The following EXD3 variants were observed in gnomAD, a reference collection of about 807,000 sequenced individuals.
EXD3 encodes the protein exonuclease 3'-5' domain containing 3.
In EXD3, 92 loss-of-function variants were observed where a neutral mutation model predicts 98.0. That is an observed-to-expected ratio of 0.94 (90% CI 0.79 to 1.12). The LOEUF (loss-of-function observed/expected upper bound fraction) is 1.12. EXD3 is among the 50% of genes most tolerant of loss of function. The probability of loss-of-function intolerance (pLI) is 0.00; values close to 1 mark genes in which losing one functional copy is unlikely to be tolerated. For missense variants in EXD3, 1,222 were observed against 1,191.6 expected, an observed-to-expected ratio of 1.03 and a Z score of -0.38; for synonymous variants, 569 against 526.0, an observed-to-expected ratio of 1.08 and a Z score of -1.12.
rs539424014 is a variant in EXD3, at chr9:137,358,350, G to A, written c.657-1982C>T. ...ACCTGTGTCCTCCTGGTTTCAGCAC[G>A]GAGCCCCAGCCCTGTCCTCAGCTGT... is the stretch of plus-strand genomic sequence containing the variant. On this transcript the variant is annotated intron_variant, in intron 7 of 21. Coordinates refer to ENST00000340951, the MANE Select transcript of EXD3 (RefSeq NM_017820.5). 2.7e-3 allele frequency among the ~76,000 whole-genome samples: 405 copies of A among 152,256 alleles called. 1 individual carries two copies. Among genetic ancestry groups the A allele is most frequent in the Non-Finnish European group, 4.1e-3 (279 of 68,016 alleles).
At chr9:137,350,391 C>T (rs113275255) in intron 14 of EXD3, among the ~76,000 whole-genome samples, 176 of 782 alleles carry the variant, frequency 0.23, 2 homozygotes, top group African/African-American at 0.33. Context: ...GGGTGGGGAT[C>T]ACGGGGAGGG....
intron 1 of EXD3, among the ~76,000 whole-genome samples, chr9:137,396,858 TG>T (rs923735361): frequency 2.0e-5 from 3 of 152,232 alleles, no homozygotes; most frequent in African/African-American, 7.2e-5. Context: ...AACCAGTTTC[TG>T]GGCAACAGGC....
chr9:137,313,437 C>T (rs778343834), intron 19 of EXD3, among the ~76,000 whole-genome samples: 1 of 152,142 alleles, frequency 6.6e-6, no homozygotes, highest in African/African-American at 2.4e-5. Context: ...CCAGGTCCCT[C>T]GGGTGATCTG....
intron 1 of EXD3, among the ~76,000 whole-genome samples, chr9:137,419,660 C>T (rs1413901439): frequency 2.0e-5 from 3 of 151,994 alleles, no homozygotes; most frequent in Non-Finnish European, 4.4e-5. Flanking sequence ...CAGAGCGAGA[C>T]TCCATCTCAA....
rs1486679950 is a variant in EXD3 at position 137,395,961 on chromosome 9, T to G, written c.-47-557A>C. ...TCAGAGTGTTTTTTTTTCTTTTCTT[T>G]CTTTCTTTCTTTTTTTTTTTTTTGG... On this transcript the variant is annotated intron_variant, in intron 1 of 21. Coordinates refer to ENST00000340951, the MANE Select transcript of EXD3 (RefSeq NM_017820.5). The surrounding 1 kb of genome is among the most constrained non-coding windows in gnomAD (Gnocchi z 6.5). Among the ~76,000 whole-genome samples the G allele has an allele frequency of 1.3e-5, 2 of 149,674 alleles. No homozygotes were observed. The highest frequency in any genetic ancestry group is 4.9e-5 in the African/African-American group (2 of 40,544).
At chr9:137,321,731 C>T (rs957544707) in intron 19 of EXD3, among the ~76,000 whole-genome samples, 2 of 152,146 alleles carry the variant, frequency 1.3e-5, no homozygotes, top group Non-Finnish European at 2.9e-5. Flanking sequence ...GGAGCAGCCC[C>T]GACCTGCTGC....
chr9:137,352,578 G>A (rs1280859937), intron 11 of EXD3, 42 bp downstream of exon 11: 1 of 1,497,358 alleles, frequency 6.7e-7, no homozygotes, highest in African/African-American at 1.4e-5. Context: ...GCCACCCTGG[G>A]CGGAACCCAC....
rs548843231 is a variant in EXD3 at position 137,411,925 on chromosome 9, G to C, written c.-48+11189C>G. Reference sequence around the variant, plus strand: ...TTCTGTGGTGTTTCCCTGAGGACCGGTGGGCCCTCCAGGTGGGCCTTGTGC... The same window carrying C: ...TTCTGTGGTGTTTCCCTGAGGACCGCTGGGCCCTCCAGGTGGGCCTTGTGC... On this transcript the variant is annotated intron_variant, in intron 1 of 21. Coordinates refer to ENST00000340951, the MANE Select transcript of EXD3 (RefSeq NM_017820.5). 4.2e-4 allele frequency among the ~76,000 whole-genome samples: 64 copies of C among 152,314 alleles called. 1 individual carries two copies. The highest frequency in any genetic ancestry group is 1.5e-3 in the African/African-American group (62 of 41,586).
Position 137,395,033 on chromosome 9 carries a change from C to T in EXD3, c.55+270G>A, listed in dbSNP as rs1472760683. On this transcript the variant is annotated intron_variant, in intron 2 of 21. Coordinates refer to ENST00000340951, the MANE Select transcript of EXD3 (RefSeq NM_017820.5). This position sits in a 1 kb window ranked among gnomAD's most constrained non-coding sequence, Gnocchi z 6.5. ...AGCTGCACTGTCCCCGCCACCTCCC[C>T]CGGATCCTGTCACAGGCCCGGCGCC... Among the ~76,000 whole-genome samples the T allele has an allele frequency of 2.0e-5, 3 of 152,140 alleles. No homozygotes were observed. The highest frequency in any genetic ancestry group is 1.5e-5 in the Non-Finnish European group (1 of 68,008).
chr9:137,390,892 T>C (rs1161445813), intron 2 of EXD3, among the ~76,000 whole-genome samples: 1 of 152,214 alleles, frequency 6.6e-6, no homozygotes, highest in Non-Finnish European at 1.5e-5. Context: ...CAGTGGACGC[T>C]GAGGGCAGGG....
chr9:137,408,365 G>A (rs898258066), intron 1 of EXD3, among the ~76,000 whole-genome samples: 29 of 151,726 alleles, frequency 1.9e-4, no homozygotes, highest in African/African-American at 6.8e-4. Context: ...TGGTTAACAC[G>A]GTGAAACCCC....
At position 137,385,561 on chromosome 9, in the gene EXD3, G is replaced by A. The variant is rs553835984; in HGVS notation, c.56-2184C>T. 2.6e-5 allele frequency among the ~76,000 whole-genome samples: 4 copies of A among 152,226 alleles called. No individual in the cohort carries two copies. The highest frequency in any genetic ancestry group is 4.2e-4 in the South Asian group (2 of 4,782). On this transcript the variant is annotated intron_variant, in intron 2 of 21. Transcript: ENST00000340951. This position sits in a 1 kb window ranked among gnomAD's most constrained non-coding sequence, Gnocchi z 4.4. ...TTAAGTTAATATTTTATTTAGAGACGGAGTCTCACTGTCACCCAGGCTGGA... is the reference window on the plus strand; with the variant it reads ...TTAAGTTAATATTTTATTTAGAGACAGAGTCTCACTGTCACCCAGGCTGGA...
chr9:137,349,669 G>C lies in EXD3; in HGVS notation c.1495-138C>G. 1 of 953,512 alleles carries C rather than the reference G, an allele frequency of 1.0e-6. No homozygotes were observed. The highest frequency in any genetic ancestry group is 1.5e-6 in the Non-Finnish European group (1 of 677,694). 59.1% of individuals were successfully genotyped at this position (953,512 alleles called of 1,614,324 possible). A position where few individuals can be genotyped will look rare whatever the true frequency, so the allele number is the denominator to read the frequency against. On this transcript the variant is annotated intron_variant, in intron 14 of 21. Coordinates refer to ENST00000340951, the MANE Select transcript of EXD3 (RefSeq NM_017820.5). The surrounding 1 kb of genome is among the most constrained non-coding windows in gnomAD (Gnocchi z 7.4). ...CCAGCGGCCCCCACAGCAGAGACGG[G>C]GAGAAGGAGCGGACACATCCGAGGA...
rs1832655059 is a variant in EXD3 at position 137,328,620 on chromosome 9, G to GGTC, written c.1999-4478_1999-4477insGAC. Among the ~76,000 whole-genome samples, 8 of 86,958 alleles carry GGTC rather than the reference G, an allele frequency of 9.2e-5. 1 individual carries two copies. The highest frequency in any genetic ancestry group is 1.1e-4 in the Admixed American group (1 of 9,256). The allele number at this position is 86,958 out of a possible 152,430, so 57.0% of individuals were successfully genotyped here. ...CACGGGACTACACGGGGCTACACGGGACTACACGGGACTACACGGGGCTAC... is the reference window on the plus strand; with the variant it reads ...CACGGGACTACACGGGGCTACACGGGGTCACTACACGGGACTACACGGGGCTAC... On this transcript the variant is annotated intron_variant, in intron 17 of 21. Transcript: ENST00000340951.
intron 19 of EXD3, among the ~76,000 whole-genome samples, chr9:137,320,426 G>A (rs977845384): frequency 1.3e-5 from 2 of 152,322 alleles, no homozygotes; most frequent in South Asian, 2.1e-4. Context: ...GGCCCCCCAC[G>A]GGGGTGCAGC....
chr9:137,328,563 C>T (rs969020394), intron 17 of EXD3, among the ~76,000 whole-genome samples: 1 of 147,860 alleles, frequency 6.8e-6, no homozygotes, highest in Non-Finnish European at 1.5e-5. Flanking sequence ...AGGGAAGAAA[C>T]AGACTAGTTA....
chr9:137,313,789 C>T (rs564528354), intron 19 of EXD3, among the ~76,000 whole-genome samples: 1 of 152,284 alleles, frequency 6.6e-6, no homozygotes, highest in East Asian at 1.9e-4. Flanking sequence ...CACTCTGGAG[C>T]AACAGGACAT....
At chr9:137,311,017 G>A (rs1019536265) in intron 19 of EXD3, among the ~76,000 whole-genome samples, 15 of 152,222 alleles carry the variant, frequency 9.9e-5, no homozygotes, top group African/African-American at 2.9e-4. Context: ...TGGGGGCACC[G>A]GCCCTGCCCC....
chr9:137,348,855 G>A (rs1160142065), intron 16 of EXD3, among the ~76,000 whole-genome samples: 1 of 151,878 alleles, frequency 6.6e-6, no homozygotes, highest in African/African-American at 2.4e-5. Context: ...GGCCTGCCAG[G>A]CCAAGTATCA....
Sources: allele counts gnomAD v4.1 joint callset (sites outside exome capture counted in the v4.1 genomes callset), GRCh38; gene constraint gnomAD v4.1.1; non-coding constraint Gnocchi (gnomAD v3.1); transcripts MANE v1.5; gene names NCBI Gene and HGNC (gene_info 2026-07-23, HGNC 2026-07-21).